XPR1: variants seen among roughly 807,000 people sequenced by gnomAD.
XPR1 encodes solute carrier family 53 member 1.
A neutral mutation model predicts 87.5 loss-of-function variants in XPR1; 28 were observed. The ratio of observed to expected loss-of-function variants is 0.32; its 90% CI spans 0.24 to 0.44. XPR1 has a LOEUF of 0.44. XPR1 is among the 20% of genes least tolerant of loss of function. The pLI, the probability that XPR1 is intolerant of heterozygous loss-of-function variation, is 1.00. For synonymous variants in XPR1, 300 were observed against 306.1 expected (o/e 0.98, Z 0.21); for missense variants, 559 against 862.3 (o/e 0.65, Z 4.41).
At chr1:180,728,300 G>GT (rs944835512) in intron 2 of XPR1, among the ~76,000 whole-genome samples, 5 of 146,284 alleles carry the variant, frequency 3.4e-5, no homozygotes, top group Non-Finnish European at 7.5e-5. Flanking sequence ...TTATAACTGG[G>GT]GGGGGGGGTA....
At chr1:180,719,676 G>T (rs1166789272) in intron 2 of XPR1, among the ~76,000 whole-genome samples, 1 of 152,136 alleles carries the variant, frequency 6.6e-6, no homozygotes, top group East Asian at 1.9e-4. Flanking sequence ...AATGTGTAAT[G>T]ATCAAATCAG....
intron 2 of XPR1, among the ~76,000 whole-genome samples, chr1:180,683,030 G>C (rs779617312): frequency 1.3e-5 from 2 of 151,910 alleles, no homozygotes; most frequent in Admixed American, 1.3e-4. Flanking sequence ...GTGCAGGTTT[G>C]TTACATATGT....
chr1:180,711,531 G>A (rs1057043596), intron 2 of XPR1, among the ~76,000 whole-genome samples: 1 of 152,126 alleles, frequency 6.6e-6, no homozygotes, highest in African/African-American at 2.4e-5. Context: ...GGAGAATGAG[G>A]CAGGGAGGTT....
intron 2 of XPR1, among the ~76,000 whole-genome samples, chr1:180,751,892 T>C (rs1171008126): frequency 2.6e-5 from 4 of 152,136 alleles, no homozygotes; most frequent in East Asian, 3.8e-4. Flanking sequence ...TCACATAGAC[T>C]ATTGAAAATT....
chr1:180,741,202 C>T (rs993993856), intron 2 of XPR1, among the ~76,000 whole-genome samples: 15 of 152,274 alleles, frequency 9.9e-5, no homozygotes, highest in South Asian at 6.2e-4. Context: ...CTCACTCTGT[C>T]GCCCAGGCTG....
In XPR1 at chr1:180,712,765, C is replaced by T. The variant is rs1208547946; in HGVS notation, c.121+30354C>T. On this transcript the variant is annotated intron_variant, in intron 2 of 14. Transcript: ENST00000367590. ...AGGTTGCATTGAGGTGAGGTTGTGC[C>T]ACTGCACTCCAGCCTGGGCAACAGA... Among the ~76,000 whole-genome samples the T allele has an allele frequency of 2.0e-5, 3 of 151,864 alleles. No homozygotes were observed. In the East Asian group the frequency reaches 5.8e-4, roughly 29 times the overall value.
At chr1:180,811,547 G>T in intron 7 of XPR1, 59 bp downstream of exon 7, 1 of 1,367,122 alleles carries the variant, frequency 7.3e-7, no homozygotes, top group Non-Finnish European at 1.0e-6. Context: ...GTCATATTCT[G>T]CCCCTCTGTA....
At chr1:180,785,011 T>TTGTGTGTG (rs1186269708) in intron 2 of XPR1, among the ~76,000 whole-genome samples, 7,789 of 136,310 alleles carry the variant, frequency 0.057, 320 homozygotes, top group Middle Eastern at 0.082. Flanking sequence ...GTGTGTGTGT[T>TTGTGTGTG]TGTGTGTGTG....
intron 2 of XPR1, among the ~76,000 whole-genome samples, chr1:180,769,224 C>G (rs558338862): frequency 3.3e-5 from 5 of 151,998 alleles, no homozygotes; most frequent in Non-Finnish European, 5.9e-5. Flanking sequence ...AGGTATCCAT[C>G]CCTTCAAGCA....
intron 2 of XPR1, among the ~76,000 whole-genome samples, chr1:180,744,362 C>T (rs1049508318): frequency 4.6e-5 from 7 of 152,000 alleles, no homozygotes; most frequent in Admixed American, 6.5e-5. Context: ...TTCTTTTGAT[C>T]GTATATTTTT....
chr1:180,863,778 T>C lies in XPR1; in HGVS notation c.1572T>C (p.Tyr524=). The change falls in exon 12 of 15, where the codon TAT becomes TAC. Residue 524 remains tyrosine (Y), a synonymous_variant. Transcript: ENST00000367590. ...WIVFYIISSC[Y]TLIWDLKMDW... is the part of the protein sequence containing the mutation. Reference sequence around the variant, plus strand: ...TCTTTTATATCATCAGTTCCTGCTATACCCTCATCTGGGATCTCAAGATGG... The same window carrying C: ...TCTTTTATATCATCAGTTCCTGCTACACCCTCATCTGGGATCTCAAGATGG... The C allele has an allele frequency of 1.2e-6, 2 of 1,611,770 alleles. No homozygotes were observed. The highest frequency in any genetic ancestry group is 1.7e-6 in the Non-Finnish European group (2 of 1,178,960).
At chr1:180,696,224 A>G (rs1158873144) in intron 2 of XPR1, among the ~76,000 whole-genome samples, 1 of 141,480 alleles carries the variant, frequency 7.1e-6, no homozygotes, top group African/African-American at 2.6e-5. Flanking sequence ...ATATATATAT[A>G]TATATATTAT....
chr1:180,873,888 T>C lies in XPR1; in HGVS notation c.1754T>C (p.Leu585Ser). The C allele has an allele frequency of 6.2e-7, 1 of 1,614,196 alleles. No homozygotes were observed. Among genetic ancestry groups the C allele is most frequent in the Non-Finnish European group, 8.5e-7 (1 of 1,180,024 alleles). Residue 585 changes from leucine (L) to serine (S), a missense_variant, in exon 13 of 15, where the codon TTG (leucine) becomes TCG (serine). Transcript: ENST00000367590. Reference protein sequence around the residue: ...IQISITSTTLLPHSGDIIATV... With the variant: ...IQISITSTTLSPHSGDIIATV... ...ATCTCGATTACCTCTACAACTTTGT[T>C]GCCTCATTCTGGGGACATCATTGCT... is the stretch of plus-strand genomic sequence containing the variant.
intron 1 of XPR1, among the ~76,000 whole-genome samples, chr1:180,674,413 C>A (rs12060106): frequency 0.034 from 5,110 of 152,152 alleles, 192 homozygotes; most frequent in African/African-American, 0.092. Context: ...CGCCTGCCCC[C>A]ACGCCTGGCA....
At chr1:180,787,654 C>A in intron 2 of XPR1, 99 bp from the exon 3 acceptor site, 1 of 807,592 alleles carries the variant, frequency 1.2e-6, no homozygotes, top group South Asian at 1.9e-5. Flanking sequence ...ATAAAGTTGT[C>A]ATTTTAAAAA....
intron 1 of XPR1, among the ~76,000 whole-genome samples, chr1:180,678,691 T>A (rs1656448760): frequency 6.6e-6 from 1 of 152,148 alleles, no homozygotes; most frequent in Non-Finnish European, 1.5e-5. Context: ...AAATTTTAAT[T>A]TCTGTTGTTT....
At chr1:180,676,913 A>G (rs1176637182) in intron 1 of XPR1, among the ~76,000 whole-genome samples, 1 of 152,162 alleles carries the variant, frequency 6.6e-6, no homozygotes, top group East Asian at 1.9e-4. Context: ...CATAAGGTTA[A>G]TCTGTGGTGT....
At chr1:180,634,937 G>A (rs1034306042) in intron 1 of XPR1, among the ~76,000 whole-genome samples, 4 of 151,802 alleles carry the variant, frequency 2.6e-5, no homozygotes, top group African/African-American at 7.3e-5. Context: ...TCCCGGGCTC[G>A]CTCTTCTTCC....
chr1:180,670,837 C>T (rs1350483185), intron 1 of XPR1, among the ~76,000 whole-genome samples: 1 of 152,158 alleles, frequency 6.6e-6, no homozygotes, highest in African/African-American at 2.4e-5. Context: ...GTCCTAATTT[C>T]TCCCTCAATT....
Sources: allele counts gnomAD v4.1 joint callset (sites outside exome capture counted in the v4.1 genomes callset), GRCh38; gene constraint gnomAD v4.1.1; transcripts MANE v1.5; gene names NCBI Gene and HGNC (gene_info 2026-07-23, HGNC 2026-07-21).